The following GPHN variants were observed in gnomAD, a reference collection of about 807,000 sequenced individuals.
The protein encoded by GPHN is gephyrin.
Under a neutral mutation model 95.5 loss-of-function variants are expected in GPHN, and 17 were observed. The observed-to-expected ratio is 0.18, with a 90% CI of 0.12 to 0.27. GPHN has a LOEUF of 0.27. Among genes scored for constraint, GPHN ranks in the 10% least tolerant of loss-of-function variants. The probability of loss-of-function intolerance (pLI) is 1.00; values close to 1 mark genes in which losing one functional copy is unlikely to be tolerated. For missense variants in GPHN, 660 were observed against 978.1 expected, an observed-to-expected ratio of 0.67 and a Z score of 4.34; for synonymous variants, 320 against 322.5, an observed-to-expected ratio of 0.99 and a Z score of 0.08.
At chr14:66,800,919 G>A (rs2060326690) in intron 3 of GPHN, among the ~76,000 whole-genome samples, 1 of 151,884 alleles carries the variant, frequency 6.6e-6, no homozygotes, top group Non-Finnish European at 1.5e-5. Flanking sequence ...GTTTCAAATG[G>A]CCTGTATTCA....
chr14:67,088,213 T>A (rs557898080), intron 11 of GPHN, among the ~76,000 whole-genome samples: 1 of 152,270 alleles, frequency 6.6e-6, no homozygotes, highest in East Asian at 1.9e-4. Flanking sequence ...TAAAAAATGA[T>A]GCATTCATTG....
At chr14:67,614,972 A>C in the GPHN span, 3 of 152,260 alleles carry the variant, frequency 2.0e-5, no homozygotes, top group East Asian at 5.8e-4. Context: ...TACACCCCAG[A>C]AATCAGCAAA....
rs1007129466 is a variant in GPHN at position 67,077,871 on chromosome 14, T to C, written c.1145-11112T>C. On this transcript the variant is annotated intron_variant, in intron 11 of 22. Coordinates refer to ENST00000478722, the MANE Select transcript of GPHN (RefSeq NM_020806.5). ...AAAACAATGTATCAGCCAGTCTTTT[T>C]CCACTCTTTCTTCTTGTCTACCGCC... Among the ~76,000 whole-genome samples the C allele has an allele frequency of 5.3e-5, 8 of 152,140 alleles. No homozygotes were observed. In the South Asian group the frequency reaches 1.0e-3, roughly 20 times the overall value.
intron 2 of GPHN, among the ~76,000 whole-genome samples, chr14:66,757,353 C>CATACAT (rs1566910933): frequency 1.3e-5 from 2 of 151,550 alleles, no homozygotes; most frequent in Non-Finnish European, 2.9e-5. Context: ...CACGCACACA[C>CATACAT]ACACACACAA....
At chr14:67,275,852 G>C in the GPHN span, among the ~76,000 whole-genome samples, 1 of 151,896 alleles carries the variant, frequency 6.6e-6, no homozygotes, top group African/African-American at 2.4e-5. Flanking sequence ...GTCTTGGGAG[G>C]GTATATGTGT....
intron 1 of GPHN, among the ~76,000 whole-genome samples, chr14:66,549,726 A>G (rs2059745504): frequency 6.6e-6 from 1 of 152,178 alleles, no homozygotes; most frequent in Admixed American, 6.5e-5. Context: ...AGGAAAAAAA[A>G]GCTTCAAAGG....
intron 9 of GPHN, among the ~76,000 whole-genome samples, chr14:66,993,528 T>C (rs2071574045): frequency 6.6e-6 from 1 of 152,222 alleles, no homozygotes; most frequent in Admixed American, 6.5e-5. Flanking sequence ...TTTTGCTAAA[T>C]GCCCTGTTTG....
the GPHN span, among the ~76,000 whole-genome samples, chr14:67,293,948 C>T: frequency 6.6e-6 from 1 of 151,792 alleles, no homozygotes; most frequent in Non-Finnish European, 1.5e-5. Flanking sequence ...CTGACACACA[C>T]AATAGAAAGG....
At chr14:66,597,316 C>G (rs373282929) in intron 1 of GPHN, among the ~76,000 whole-genome samples, 9 of 152,296 alleles carry the variant, frequency 5.9e-5, no homozygotes, top group African/African-American at 2.2e-4. Context: ...TATTACGCAT[C>G]CCTTTTGTCT....
chr14:66,652,235 A>G (rs372954438), intron 1 of GPHN, among the ~76,000 whole-genome samples: 5 of 152,188 alleles, frequency 3.3e-5, no homozygotes, highest in African/African-American at 7.2e-5. Flanking sequence ...GTGATAAACA[A>G]TATAGACATT....
At chr14:66,787,458 G>T (rs778194382) in intron 3 of GPHN, among the ~76,000 whole-genome samples, 2 of 152,076 alleles carry the variant, frequency 1.3e-5, no homozygotes, top group Non-Finnish European at 2.9e-5. Flanking sequence ...CAAGTGTTTT[G>T]TGGCTATAAA....
the GPHN span, among the ~76,000 whole-genome samples, chr14:67,280,580 A>C: frequency 6.6e-6 from 1 of 152,190 alleles, no homozygotes; most frequent in African/African-American, 2.4e-5. Context: ...TAAAGACACC[A>C]ATGGTAGAGC....
At chr14:67,391,075 G>A in the GPHN span, among the ~76,000 whole-genome samples, 1 of 152,168 alleles carries the variant, frequency 6.6e-6, no homozygotes, top group Non-Finnish European at 1.5e-5. Context: ...TGGGCTGGGA[G>A]CACACAGGCA....
chr14:67,712,594 CT>C, the GPHN span, among the ~76,000 whole-genome samples: 1 of 150,376 alleles, frequency 6.6e-6, no homozygotes, highest in African/African-American at 2.4e-5. Context: ...TGGATGTTAG[CT>C]TTTAATTAAG....
the GPHN span, among the ~76,000 whole-genome samples, chr14:67,661,807 T>G: frequency 7.9e-5 from 12 of 152,234 alleles, no homozygotes; most frequent in South Asian, 1.7e-3. Flanking sequence ...GTGTTGGGAT[T>G]GCAAGCGTGA....
At chr14:67,672,689 C>T in the GPHN span, among the ~76,000 whole-genome samples, 131 of 147,008 alleles carry the variant, frequency 8.9e-4, no homozygotes, top group African/African-American at 3.0e-3. Flanking sequence ...GTGATCCGCC[C>T]GCCTCGGCTT....
intron 10 of GPHN, among the ~76,000 whole-genome samples, chr14:67,049,429 C>T (rs1237677964): frequency 1.3e-5 from 2 of 151,138 alleles, no homozygotes; most frequent in Admixed American, 6.6e-5. Flanking sequence ...GGGGTTTCAC[C>T]GTGTTAGCCA....
chr14:66,722,324 C>G (rs1332314755), intron 2 of GPHN, among the ~76,000 whole-genome samples: 1 of 152,078 alleles, frequency 6.6e-6, no homozygotes, highest in Non-Finnish European at 1.5e-5. Flanking sequence ...TGGGGGAAAA[C>G]CCTTTCACGA....
chr14:66,800,468 T>G (rs1445293777), intron 3 of GPHN, among the ~76,000 whole-genome samples: 2 of 152,168 alleles, frequency 1.3e-5, no homozygotes, highest in Non-Finnish European at 2.9e-5. Flanking sequence ...GGTAAAAGAT[T>G]TCTTCTTTCA....
Sources: allele counts gnomAD v4.1 joint callset (sites outside exome capture counted in the v4.1 genomes callset), GRCh38; gene constraint gnomAD v4.1.1; transcripts MANE v1.5; gene names NCBI Gene and HGNC (gene_info 2026-07-23, HGNC 2026-07-21).